NFX1: variants seen among roughly 807,000 people sequenced by gnomAD.
NFX1 encodes the protein transcriptional repressor NF-X1.
A neutral mutation model predicts 137.2 loss-of-function variants in NFX1; 69 were observed. That is an observed-to-expected ratio of 0.50 (90% CI 0.41 to 0.61). The LOEUF is 0.61. Ranked by LOEUF, NFX1 falls within the 20% of genes least tolerant of loss-of-function variation. The probability of loss-of-function intolerance (pLI) is 0.00; values close to 1 mark genes in which losing one functional copy is unlikely to be tolerated. For synonymous variants in NFX1, 495 were observed against 474.1 expected, an observed-to-expected ratio of 1.04 and a Z score of -0.57; for missense variants, 1,167 against 1,391.0, an observed-to-expected ratio of 0.84 and a Z score of 2.56.
chr9:33,307,288 T>C lies in NFX1; in HGVS notation c.1365T>C (p.His455=). ...RKKQPGQDCP[H]SCNLLCHPGP... is the part of the protein sequence containing the mutation. The stretch of plus-strand genomic sequence containing the variant: ...AACAGCCTGGCCAGGACTGCCCACA[T>C]TCCTGTAACCTGTAAGTTGGAATGC... The change falls in exon 5 of 24, where the codon CAT becomes CAC. Residue 455 remains histidine (H), a synonymous_variant. Coordinates refer to ENST00000379540, the MANE Select transcript of NFX1 (RefSeq NM_002504.6). The C allele has an allele frequency of 6.2e-7, 1 of 1,613,596 alleles. No homozygotes were observed. The highest frequency in any genetic ancestry group is 8.5e-7 in the Non-Finnish European group (1 of 1,179,532).
At chr9:33,344,741 C>G (rs1823351437) in intron 14 of NFX1, among the ~76,000 whole-genome samples, 1 of 152,096 alleles carries the variant, frequency 6.6e-6, no homozygotes, top group Admixed American at 6.6e-5. Context: ...TGGTGCACGC[C>G]TGTAGTCCCA....
In NFX1 at chr9:33,295,265, G is replaced by A; in HGVS notation, c.871G>A (p.Ala291Thr). 6.2e-7 allele frequency: 1 copy of A among 1,614,048 alleles called. No individual in the cohort carries two copies. The highest frequency in any genetic ancestry group is 8.5e-7 in the Non-Finnish European group (1 of 1,180,004). The stretch of plus-strand genomic sequence containing the variant: ...AAAGGATGACCTCAATGAAAGACCA[G>A]CAAAATCTACCTGTGACAGTGAGAA... ...IPKDDLNERP[A>T]KSTCDSENLA... The change falls in exon 2 of 24, where the codon GCA becomes ACA. Residue 291 changes from alanine to threonine, a missense_variant. Physicochemically the swap from Ala to Thr is moderately conservative, Grantham distance 58. Around this residue, in one of 3 missense-constraint regions of NFX1, gnomAD observed 367 missense variants for 386.7 expected, o/e 0.95. Transcript: ENST00000379540.
chr9:33,295,129 G>C lies in NFX1; in HGVS notation c.735G>C (p.Arg245Ser). Residue 245 changes from arginine to serine, a missense_variant, in exon 2 of 24, where the codon AGG (arginine) becomes AGC (serine). Transcript: ENST00000379540. Reference sequence around the variant, plus strand: ...AGCAGAGAAGATACCCACAGAAAAGGCCTCCCTGGGAAGTGGAGGGGGCCA... The same window carrying C: ...AGCAGAGAAGATACCCACAGAAAAGCCCTCCCTGGGAAGTGGAGGGGGCCA... Reference protein sequence around the residue: ...RNEQRRYPQKRPPWEVEGARP... With the variant: ...RNEQRRYPQKSPPWEVEGARP... 1.2e-6 allele frequency: 2 copies of C among 1,614,046 alleles called. No individual in the cohort carries two copies. Among genetic ancestry groups the C allele is most frequent in the Non-Finnish European group, 1.7e-6 (2 of 1,180,004 alleles).
chr9:33,331,804 T>C (rs1822817605), intron 10 of NFX1, among the ~76,000 whole-genome samples: 1 of 151,972 alleles, frequency 6.6e-6, no homozygotes, highest in Non-Finnish European at 1.5e-5. Context: ...CAAAATCAGA[T>C]GTAGAAGCCG....
intron 1 of NFX1, among the ~76,000 whole-genome samples, chr9:33,292,841 C>T (rs1394680965): frequency 3.4e-5 from 5 of 148,488 alleles, no homozygotes; most frequent in South Asian, 4.2e-4. Context: ...TTTCCAGTCT[C>T]GCTTTTTCAA....
chr9:33,346,679 C>G (rs1168708336), intron 14 of NFX1, among the ~76,000 whole-genome samples: 1 of 152,146 alleles, frequency 6.6e-6, no homozygotes, highest in Non-Finnish European at 1.5e-5. Flanking sequence ...GAATTAATAG[C>G]AAAGATATCT....
chr9:33,328,544 C>T (rs759178801), intron 9 of NFX1, 37 bp from the exon 10 acceptor site: 1 of 1,487,768 alleles, frequency 6.7e-7, no homozygotes. Context: ...TGAGTAGTTG[C>T]AGTTTTCATT....
chr9:33,304,328 G>T (rs1158960452), intron 4 of NFX1, among the ~76,000 whole-genome samples: 1 of 152,120 alleles, frequency 6.6e-6, no homozygotes, highest in South Asian at 2.1e-4. Flanking sequence ...CATATCTAGG[G>T]CTGATTTTAT....
At position 33,295,085 on chromosome 9, in the gene NFX1, T is replaced by G. The variant is rs1187401841; in HGVS notation, c.691T>G (p.Tyr231Asp). 3.1e-6 allele frequency: 5 copies of G among 1,613,852 alleles called. No individual in the cohort carries two copies. Among genetic ancestry groups the G allele is most frequent in the Non-Finnish European group, 4.2e-6 (5 of 1,179,972 alleles). The change falls in exon 2 of 24, where the codon TAT (tyrosine) becomes GAT (aspartate). Residue 231 changes from tyrosine (Y) to aspartate (D), a missense_variant. By Grantham distance (160) the Tyr-to-Asp change is radical (BLOSUM62 -3). This residue lies in a region of NFX1 where 367 missense variants were observed against 386.7 expected (regional missense o/e 0.95). Transcript: ENST00000379540. ...CTCTAGAAAAGGAGTATTGGATGGG[T>G]ATGGAGCCAGACGAAATGAGCAGAG... is the stretch of plus-strand genomic sequence containing the variant. ...ASSRKGVLDG[Y>D]GARRNEQRRY...
At chr9:33,328,821 G>C (rs1259058991) in intron 10 of NFX1, 143 bp downstream of exon 10, 7 of 598,966 alleles carry the variant, frequency 1.2e-5, no homozygotes, top group African/African-American at 1.8e-5. Flanking sequence ...CCTATAGTGG[G>C]ATAAGGCAAA....
chr9:33,340,872 C>T (rs1823195436), intron 12 of NFX1, among the ~76,000 whole-genome samples: 1 of 152,212 alleles, frequency 6.6e-6, no homozygotes, highest in Non-Finnish European at 1.5e-5. Flanking sequence ...AATTCCTCAT[C>T]TCTATCTGAG....
rs763562413 is a variant in NFX1 at position 33,303,311 on chromosome 9, A to G, written c.1270+43A>G. 3.3e-6 allele frequency: 5 copies of G among 1,528,816 alleles called. No homozygotes were observed. The South Asian group carries it at 3.4e-5, about 10-fold the overall frequency. The allele number at this position is 1,528,816 out of a possible 1,614,324, so 94.7% of individuals were successfully genotyped here. A position where few individuals can be genotyped will look rare whatever the true frequency, so the allele number is the denominator to read the frequency against. The stretch of plus-strand genomic sequence containing the variant: ...CACTGGAGTCTCTTTTACTACATAC[A>G]TTGTACCTCAGTTCAGGAAAGGTGG... On this transcript the variant is annotated intron_variant, in intron 4 of 23. Transcript: ENST00000379540.
intron 3 of NFX1, among the ~76,000 whole-genome samples, 167 bp from the exon 4 acceptor site, chr9:33,303,024 G>A (rs889671127): frequency 2.7e-5 from 4 of 146,408 alleles, no homozygotes; most frequent in African/African-American, 7.6e-5. Flanking sequence ...CTGTATTCAA[G>A]CTAAGCAGTC....
intron 9 of NFX1, among the ~76,000 whole-genome samples, chr9:33,326,373 A>G (rs2118449370): frequency 6.8e-6 from 1 of 147,536 alleles, no homozygotes; most frequent in South Asian, 2.1e-4. Context: ...AGATCATGCC[A>G]CTGCACTTCA....
chr9:33,306,944 G>T (rs1047937139), intron 4 of NFX1, among the ~76,000 whole-genome samples: 1 of 152,072 alleles, frequency 6.6e-6, no homozygotes, highest in South Asian at 2.1e-4. Flanking sequence ...TAGTATTTTC[G>T]TAAGTAAAAG....
At chr9:33,342,694 A>C (rs1823271574) in intron 12 of NFX1, 52 bp from the exon 13 acceptor site, 1 of 1,242,634 alleles carries the variant, frequency 8.0e-7, no homozygotes, top group Non-Finnish European at 1.1e-6. Flanking sequence ...TTATTTATGG[A>C]AAATATAAAA....
intron 11 of NFX1, 127 bp from the exon 12 acceptor site, chr9:33,338,383 C>A: frequency 1.2e-6 from 1 of 861,848 alleles, no homozygotes; most frequent in Non-Finnish European, 1.8e-6. Context: ...AAAAAAACTG[C>A]ATTTACATTA....
chr9:33,303,599 T>C (rs1279029502), intron 4 of NFX1, among the ~76,000 whole-genome samples: 3 of 152,216 alleles, frequency 2.0e-5, no homozygotes, highest in African/African-American at 7.2e-5. Context: ...GCTTTGATAG[T>C]CCAGATTTGA....
intron 23 of NFX1, among the ~76,000 whole-genome samples, chr9:33,369,103 C>T (rs1031048009): frequency 6.6e-6 from 1 of 151,844 alleles, no homozygotes; most frequent in South Asian, 2.1e-4. Flanking sequence ...TCTCGCTCTG[C>T]CGCCCAGGCT....
Sources: allele counts gnomAD v4.1 joint callset (sites outside exome capture counted in the v4.1 genomes callset), GRCh38; gene constraint gnomAD v4.1.1; regional missense constraint gnomAD v4.1.1; transcripts MANE v1.5; gene names NCBI Gene and HGNC (gene_info 2026-07-23, HGNC 2026-07-21).